Variants in CHN1 observed in about 807,000 individuals in gnomAD.
CHN1 encodes chimerin 1.
CHN1 carries 37 observed loss-of-function variants against 59.5 expected under a neutral mutation model. That is an observed-to-expected ratio of 0.62 (90% CI 0.48 to 0.82). CHN1 has a LOEUF of 0.82. Among genes scored for constraint, CHN1 ranks in the 40% least tolerant of loss-of-function variants. The pLI is 0.00. For missense variants in CHN1, 469 were observed against 571.0 expected (o/e 0.82, Z 1.82); for synonymous variants, 206 against 200.4 (o/e 1.03, Z -0.24).
At chr2:174,931,890 C>T (rs1025184198) in intron 3 of CHN1, among the ~76,000 whole-genome samples, 2 of 152,114 alleles carry the variant, frequency 1.3e-5, no homozygotes, top group African/African-American at 4.8e-5. Context: ...ATCTGAGAAG[C>T]ATGAAGACTG....
intron 6 of CHN1, among the ~76,000 whole-genome samples, chr2:174,852,844 G>C (rs1686781106): frequency 1.3e-5 from 2 of 152,022 alleles, no homozygotes; most frequent in African/African-American, 2.4e-5. Context: ...GACTCCCTAA[G>C]AAACAAGTAA....
intron 2 of CHN1, among the ~76,000 whole-genome samples, chr2:174,951,717 A>G (rs1194963784): frequency 6.6e-6 from 1 of 152,214 alleles, no homozygotes. Flanking sequence ...TGTTTTGGGA[A>G]AGTAATTATT....
chr2:174,949,991 G>A (rs2105410562), intron 2 of CHN1, among the ~76,000 whole-genome samples: 1 of 152,316 alleles, frequency 6.6e-6, no homozygotes, highest in Admixed American at 6.5e-5. Context: ...GCTGGGCACA[G>A]TGGCTCACAC....
In CHN1 at chr2:174,924,202, A is replaced by T. The variant is rs183071777; in HGVS notation, c.115-5637T>A. On this transcript the variant is annotated intron_variant, in intron 3 of 12. Transcript: ENST00000409900. ...ATTTACATTTGTAAAGAAAATTTCC[A>T]TATGTAAAGATGTACTCTTCTACCA... is the stretch of plus-strand genomic sequence containing the variant. 6.6e-5 allele frequency among the ~76,000 whole-genome samples: 10 copies of T among 152,334 alleles called. No homozygotes were observed. The East Asian group carries it at 1.9e-3, about 29-fold the overall frequency.
At chr2:174,929,960 C>T (rs897467855) in intron 3 of CHN1, among the ~76,000 whole-genome samples, 6 of 152,220 alleles carry the variant, frequency 3.9e-5, no homozygotes, top group African/African-American at 1.4e-4. Context: ...TGGAGTCTCT[C>T]TCTGGAGAGT....
In CHN1 at chr2:174,877,921, T is replaced by C. The variant is rs1320426866; in HGVS notation, c.468A>G (p.Ala156=). The change falls in exon 6 of 13, where the codon GCA becomes GCG. Residue 156 remains alanine (A), a synonymous_variant. Coordinates refer to ENST00000409900, the MANE Select transcript of CHN1 (RefSeq NM_001822.7). ...VGYTTLNREP[A]YKKHMPVLKE... ...TCAGGACTGGCATATGTTTTTTGTA[T>C]GCTGGCTCTCTGTTTAAGGTTGTGT... The C allele has an allele frequency of 6.2e-6, 10 of 1,613,950 alleles. No homozygotes were observed. In the Middle Eastern group the frequency reaches 6.6e-4, roughly 106 times the overall value.
chr2:174,991,603 C>T (rs1055840423), intron 1 of CHN1, among the ~76,000 whole-genome samples: 6 of 152,104 alleles, frequency 3.9e-5, no homozygotes, highest in African/African-American at 1.4e-4. Flanking sequence ...TATACCTGCC[C>T]TTGACATGAA....
chr2:174,810,919 G>A (rs1460005326), intron 10 of CHN1: 2 of 152,222 alleles, frequency 1.3e-5, no homozygotes, highest in Non-Finnish European at 2.9e-5. Context: ...AGACAAATTG[G>A]AGAGCCATGG....
intron 11 of CHN1, among the ~76,000 whole-genome samples, chr2:174,802,463 G>C (rs919410575): frequency 6.6e-6 from 1 of 152,226 alleles, no homozygotes. Flanking sequence ...ATGCACGGCA[G>C]ACTTTGAAGG....
At chr2:175,000,415 G>C (rs1691854949) in intron 1 of CHN1, among the ~76,000 whole-genome samples, 1 of 151,938 alleles carries the variant, frequency 6.6e-6, no homozygotes, top group South Asian at 2.1e-4. Context: ...TGAGATTACA[G>C]GCATGATCCA....
chr2:174,998,349 C>G (rs1327746848), intron 1 of CHN1, among the ~76,000 whole-genome samples: 1 of 128,894 alleles, frequency 7.8e-6, no homozygotes, highest in East Asian at 2.3e-4. Context: ...AAAAAACATA[C>G]TTTAAGAGCT....
chr2:174,905,009 A>G (rs1688503868), intron 5 of CHN1, among the ~76,000 whole-genome samples: 1 of 152,180 alleles, frequency 6.6e-6, no homozygotes, highest in African/African-American at 2.4e-5. Context: ...TGGGTGCCAG[A>G]AAAAGTTTGG....
intron 6 of CHN1, among the ~76,000 whole-genome samples, chr2:174,875,244 T>G (rs1261428664): frequency 6.6e-6 from 1 of 152,188 alleles, no homozygotes; most frequent in Non-Finnish European, 1.5e-5. Context: ...TTCTGCAGTA[T>G]TTATTAAAAT....
At chr2:174,952,595 C>T (rs952378804) in intron 1 of CHN1, among the ~76,000 whole-genome samples, 3 of 152,164 alleles carry the variant, frequency 2.0e-5, no homozygotes, top group African/African-American at 7.2e-5. Flanking sequence ...CCAGATTAAT[C>T]ATTTTAATCA....
Position 174,822,259 on chromosome 2 carries a change from T to C in CHN1, c.712+2175A>G, listed in dbSNP as rs192749132. 2.6e-3 allele frequency among the ~76,000 whole-genome samples: 392 copies of C among 152,334 alleles called. 1 individual carries two copies. Among genetic ancestry groups the C allele is most frequent in the African/African-American group, 9.0e-3 (375 of 41,588 alleles). ...TAAAATGAAAAATCTCCTCAAGGCT[T>C]TTCTTTCAATTCCTGACCTTTACTC... On this transcript the variant is annotated intron_variant, in intron 8 of 12. Transcript: ENST00000409900.
At chr2:174,868,908 C>G (rs769976975) in intron 6 of CHN1, among the ~76,000 whole-genome samples, 10 of 152,190 alleles carry the variant, frequency 6.6e-5, no homozygotes, top group Non-Finnish European at 8.8e-5. Context: ...GAGGGAAATG[C>G]AGAAATGATA....
intron 5 of CHN1, among the ~76,000 whole-genome samples, chr2:174,906,664 G>GA (rs3841915): frequency 0.48 from 73,145 of 151,608 alleles, 18,336 homozygotes; most frequent in African/African-American, 0.6. Context: ...AACAGAGTAA[G>GA]AAAAAAAAGA....
Position 174,807,514 on chromosome 2 carries a change from T to TGTGTGTGTG in CHN1, c.1102+1390_1102+1391insCACACACAC, listed in dbSNP as rs1684935493. Among the ~76,000 whole-genome samples the TGTGTGTGTG allele has an allele frequency of 3.7e-5, 3 of 81,570 alleles. No individual in the cohort carries two copies. In the Admixed American group the frequency reaches 3.8e-4, roughly 10 times the overall value. 53.5% of individuals were successfully genotyped at this position (81,570 alleles called of 152,430 possible). The stretch of plus-strand genomic sequence containing the variant: ...TGTGTGTGTGTGTGTGTGTGTGTGT[T>TGTGTGTGTG]GCTTTCTAGATGAGTGGCAATCAGA... On this transcript the variant is annotated intron_variant, in intron 11 of 12. Coordinates refer to ENST00000409900, the MANE Select transcript of CHN1 (RefSeq NM_001822.7).
intron 1 of CHN1, among the ~76,000 whole-genome samples, chr2:174,989,140 G>C (rs1255276882): frequency 6.6e-6 from 1 of 150,702 alleles, no homozygotes; most frequent in African/African-American, 2.4e-5. Context: ...CATTTAGGGA[G>C]GCTGAGGTGG....
Sources: allele counts gnomAD v4.1 joint callset (sites outside exome capture counted in the v4.1 genomes callset), GRCh38; gene constraint gnomAD v4.1.1; transcripts MANE v1.5; gene names NCBI Gene and HGNC (gene_info 2026-07-23, HGNC 2026-07-21).